The following TIMM23B variants were observed in gnomAD, a reference collection of about 807,000 sequenced individuals.
The protein encoded by TIMM23B is translocase of inner mitochondrial membrane 23 homolog B, also known as mitochondrial import inner membrane translocase subunit Tim23B.
A neutral mutation model predicts 27.3 loss-of-function variants in TIMM23B; 27 were observed. That is an observed-to-expected ratio of 0.99 (90% CI 0.73 to 1.36). The LOEUF (loss-of-function observed/expected upper bound fraction) is 1.36, where lower values mean the gene tolerates loss of function less well. TIMM23B is among the 40% of genes most tolerant of loss of function. The pLI is 0.00. For synonymous variants in TIMM23B, 73 were observed against 92.4 expected (o/e 0.79, Z 1.21); for missense variants, 205 against 244.2 (o/e 0.84, Z 1.07).
At position 49,970,311 on chromosome 10, in the gene TIMM23B, C is replaced by T. The variant is rs531110463; in HGVS notation, c.515-2701C>T. ...GCTGCCCAGTCTGGGAAGTGAGGAG[C>T]GCCTTTTCCCGGCTGCCATCCCGTC... On this transcript the variant is annotated intron_variant, in intron 6 of 6. Coordinates refer to ENST00000651259, the MANE Select transcript of TIMM23B (RefSeq NM_001290117.2). The T allele has an allele frequency of 1.0e-4, 16 of 155,834 alleles. No individual in the cohort carries two copies. In the South Asian group the frequency reaches 2.3e-3, roughly 22 times the overall value. The allele number at this position is 155,834 out of a possible 1,614,324, so 9.7% of individuals were successfully genotyped here.
intron 4 of TIMM23B, among the ~76,000 whole-genome samples, chr10:49,953,916 A>G (rs1300236375): frequency 1.3e-5 from 2 of 152,172 alleles, no homozygotes; most frequent in Non-Finnish European, 2.9e-5. Flanking sequence ...AAACCCCAAT[A>G]TCATATTAAA....
Position 49,942,141 on chromosome 10 carries a change from C to G in TIMM23B, c.-54C>G, listed in dbSNP as rs1839130659. 1.3e-6 allele frequency: 2 copies of G among 1,541,650 alleles called. No individual in the cohort carries two copies. Among genetic ancestry groups the G allele is most frequent in the Admixed American group, 2.0e-5 (1 of 50,976 alleles). On this transcript the variant is annotated 5_prime_UTR_variant, in exon 1 of 7. Coordinates refer to ENST00000651259, the MANE Select transcript of TIMM23B (RefSeq NM_001290117.2). ...CTGTTATTGAGGAGTAACGGCCCAG[C>G]GGACCACCCAGGCTTGAGGCAGCGG...
intron 6 of TIMM23B, among the ~76,000 whole-genome samples, chr10:49,966,457 A>G (rs1237104447): frequency 3.3e-5 from 5 of 152,186 alleles, no homozygotes; most frequent in African/African-American, 1.2e-4. Flanking sequence ...AATGAAATGA[A>G]TAATGAAATG....
At position 49,965,298 on chromosome 10, in the gene TIMM23B, G is replaced by C. The variant is rs1840089934; in HGVS notation, c.514+6818G>C. Reference sequence around the variant, plus strand: ...GTGGGTGGCGCACTCCAGCCTGGGTGATAGAGTGAGTCTCTGTCATGAAAT... The same window carrying C: ...GTGGGTGGCGCACTCCAGCCTGGGTCATAGAGTGAGTCTCTGTCATGAAAT... On this transcript the variant is annotated intron_variant, in intron 6 of 6. Transcript: ENST00000651259. Among the ~76,000 whole-genome samples, 3 of 151,656 alleles carry C rather than the reference G, an allele frequency of 2.0e-5. 1 individual carries two copies. In the South Asian group the frequency reaches 6.3e-4, roughly 32 times the overall value.
chr10:49,951,500 C>T (rs1304455608), intron 2 of TIMM23B, among the ~76,000 whole-genome samples: 1 of 151,706 alleles, frequency 6.6e-6, no homozygotes, highest in Non-Finnish European at 1.5e-5. Flanking sequence ...ATATTTTGCT[C>T]TTAAGAGTGT....
At chr10:49,945,535 C>T (rs1264828457) in intron 2 of TIMM23B, among the ~76,000 whole-genome samples, 46 of 152,268 alleles carry the variant, frequency 3.0e-4, no homozygotes, top group Non-Finnish European at 6.2e-4. Flanking sequence ...CGCCCATCAC[C>T]ACGCCTGGCT....
At chr10:49,971,504 AT>A (rs1554856568) in intron 6 of TIMM23B, among the ~76,000 whole-genome samples, 2 of 152,210 alleles carry the variant, frequency 1.3e-5, no homozygotes, top group African/African-American at 4.8e-5. Context: ...TGAAATATAC[AT>A]GACTACATGC....
intron 3 of TIMM23B, 55 bp downstream of exon 3, chr10:49,952,274 C>G (rs1453764813): frequency 1.3e-6 from 2 of 1,518,556 alleles, no homozygotes; most frequent in Non-Finnish European, 1.8e-6. Context: ...GTTGAGGGTG[C>G]GTAAAATCAA....
At chr10:49,965,141 A>T (rs1371616539) in intron 6 of TIMM23B, among the ~76,000 whole-genome samples, 2 of 151,986 alleles carry the variant, frequency 1.3e-5, no homozygotes, top group Non-Finnish European at 2.9e-5. Flanking sequence ...AATCGCTTGT[A>T]CCCAGGAGGT....
chr10:49,963,524 G>GTGAAA (rs782708730), intron 6 of TIMM23B, among the ~76,000 whole-genome samples: 3 of 152,130 alleles, frequency 2.0e-5, no homozygotes, highest in Admixed American at 6.5e-5. Context: ...GAAATGCCGG[G>GTGAAA]TGAAATGAAA....
In TIMM23B at chr10:49,974,610, C is replaced by CAT. The variant is rs1273193146; in HGVS notation, c.*1547_*1548insTA. 1 of 150,692 alleles carries CAT rather than the reference C, an allele frequency of 6.6e-6. No homozygotes were observed. Among genetic ancestry groups the CAT allele is most frequent in the African/African-American group, 2.5e-5 (1 of 40,534 alleles). 9.3% of individuals were successfully genotyped at this position (150,692 alleles called of 1,614,324 possible). ...ACCTATATGTATGTGTGTACACATA[C>CAT]AGCTGATATCTGCTGAGATTATGTA... On this transcript the variant is annotated 3_prime_UTR_variant, in exon 7 of 7. Transcript: ENST00000651259.
intron 6 of TIMM23B, among the ~76,000 whole-genome samples, chr10:49,968,406 G>A (rs1233201541): frequency 1.3e-5 from 2 of 152,248 alleles, no homozygotes; most frequent in Non-Finnish European, 2.9e-5. Flanking sequence ...CGTGATATTT[G>A]TGGTGGATGA....
chr10:49,970,391 G>A (rs1554856291), intron 6 of TIMM23B: 3 of 171,388 alleles, frequency 1.8e-5, no homozygotes, highest in South Asian at 1.4e-4. Flanking sequence ...TGAGGGGAGC[G>A]CCTCTGCCCC....
intron 2 of TIMM23B, among the ~76,000 whole-genome samples, chr10:49,948,142 A>G (rs1446448974): frequency 6.6e-6 from 1 of 152,222 alleles, no homozygotes; most frequent in African/African-American, 2.4e-5. Context: ...GGTCAGTAAC[A>G]TTAATTAGAG....
In TIMM23B at chr10:49,952,168, T is replaced by C. The variant is rs1339321200; in HGVS notation, c.208T>C (p.Trp70Arg). ...TTTACCTACCGGAGCTAATAAAACCTGGGGCAGATTTGAGCTGGCCTTCTT... is the reference window on the plus strand; with the variant it reads ...TTTACCTACCGGAGCTAATAAAACCCGGGGCAGATTTGAGCTGGCCTTCTT... The part of the protein sequence containing the change: ...FILPTGANKT[W>R]GRFELAFFTI... The change falls in exon 3 of 7, where the codon TGG (tryptophan) becomes CGG (arginine). Residue 70 changes from tryptophan (W) to arginine (R), a missense_variant. Trp to Arg is a moderately radical substitution (Grantham distance 101). Transcript: ENST00000651259. 6 of 1,605,204 alleles carry C rather than the reference T, an allele frequency of 3.7e-6. No homozygotes were observed. Among genetic ancestry groups the C allele is most frequent in the African/African-American group, 2.7e-5 (2 of 74,750 alleles).
intron 6 of TIMM23B, among the ~76,000 whole-genome samples, chr10:49,963,922 G>A (rs1289956534): frequency 1.3e-5 from 2 of 152,094 alleles, no homozygotes; most frequent in African/African-American, 2.4e-5. Flanking sequence ...CAGGGATCGC[G>A]CCACTGCACT....
intron 1 of TIMM23B, among the ~76,000 whole-genome samples, chr10:49,943,602 A>G (rs1263008337): frequency 2.6e-5 from 4 of 151,954 alleles, no homozygotes; most frequent in Non-Finnish European, 4.4e-5. Context: ...CACTTCCTTA[A>G]TGTGACAATA....
At position 49,942,319 on chromosome 10, in the gene TIMM23B, T is replaced by C; in HGVS notation, c.106+19T>C. ...GTCCCGCGTAAGTATGGGGCCTAGC[T>C]TGCGATTATTTCTGACTGGTTCTTG... On this transcript the variant is annotated intron_variant, in intron 1 of 6. Coordinates refer to ENST00000651259, the MANE Select transcript of TIMM23B (RefSeq NM_001290117.2). 6.3e-7 allele frequency: 1 copy of C among 1,598,770 alleles called. No homozygotes were observed. Among genetic ancestry groups the C allele is most frequent in the Admixed American group, 1.7e-5 (1 of 58,416 alleles).
chr10:49,945,188 G>A, intron 2 of TIMM23B, 98 bp downstream of exon 2: 4 of 1,263,894 alleles, frequency 3.2e-6, no homozygotes, highest in South Asian at 1.3e-5. Flanking sequence ...CACTTCTGGA[G>A]GCAGTAAGTC....
Sources: allele counts gnomAD v4.1 joint callset (sites outside exome capture counted in the v4.1 genomes callset), GRCh38; gene constraint gnomAD v4.1.1; transcripts MANE v1.5; gene names NCBI Gene and HGNC (gene_info 2026-07-23, HGNC 2026-07-21).